The following TFDP1 variants were observed in gnomAD, a reference collection of about 807,000 sequenced individuals.
TFDP1 encodes transcription factor Dp-1.
Under a neutral mutation model 48.0 loss-of-function variants are expected in TFDP1, and 6 were observed. That is an observed-to-expected ratio of 0.13 (90% CI 0.07 to 0.25). The LOEUF (loss-of-function observed/expected upper bound fraction) is 0.25, where lower values mean the gene tolerates loss of function less well. TFDP1 is among the 10% of genes least tolerant of loss of function. TFDP1 has a pLI of 1.00. For missense variants in TFDP1, 335 were observed against 543.0 expected (o/e 0.62, Z 3.81); for synonymous variants, 201 against 211.6 (o/e 0.95, Z 0.44).
At position 113,627,987 on chromosome 13, in the gene TFDP1, G is replaced by A. The variant is rs773241599; in HGVS notation, c.187-3636G>A. Among the ~76,000 whole-genome samples the A allele has an allele frequency of 6.6e-6, 1 of 152,066 alleles. No individual in the cohort carries two copies. The highest frequency in any genetic ancestry group is 2.1e-4 in the South Asian group (1 of 4,828). On this transcript the variant is annotated intron_variant, in intron 4 of 11. Coordinates refer to ENST00000375370, the MANE Select transcript of TFDP1 (RefSeq NM_007111.5). The surrounding 1 kb of genome is among the most constrained non-coding windows in gnomAD (Gnocchi z 4.1). Reference sequence around the variant, plus strand: ...TCTCGGGCAAGGTGGACCTCCGGCAGGTCCTCTACTGTGGGATGCTTCCAC... The same window carrying A: ...TCTCGGGCAAGGTGGACCTCCGGCAAGTCCTCTACTGTGGGATGCTTCCAC...
intron 4 of TFDP1, among the ~76,000 whole-genome samples, chr13:113,628,723 G>A (rs951199727): frequency 6.6e-6 from 1 of 152,086 alleles, no homozygotes; most frequent in African/African-American, 2.4e-5. Flanking sequence ...TTTCCCTAGG[G>A]GCCCAGCTCT....
intron 11 of TFDP1, among the ~76,000 whole-genome samples, chr13:113,638,843 A>G (rs1042570822): frequency 6.6e-6 from 1 of 152,236 alleles, no homozygotes; most frequent in African/African-American, 2.4e-5. Context: ...GTATTACTTT[A>G]TATTAATCTT....
chr13:113,591,009 C>CAAAAAAAAA (rs71101595), intron 2 of TFDP1, among the ~76,000 whole-genome samples: 19 of 59,698 alleles, frequency 3.2e-4, no homozygotes, highest in Admixed American at 4.3e-4. Context: ...GACTCTGTCT[C>CAAAAAAAAA]AAAAAAAAAA....
At chr13:113,614,014 T>A (rs1473320394) in intron 3 of TFDP1, among the ~76,000 whole-genome samples, 1 of 147,598 alleles carries the variant, frequency 6.8e-6, no homozygotes, top group Admixed American at 6.8e-5. Context: ...GTGAGTTGTG[T>A]CAGTTGTGTG....
chr13:113,619,208 A>C (rs11840044), intron 3 of TFDP1, among the ~76,000 whole-genome samples: 10,169 of 152,218 alleles, frequency 0.067, 953 homozygotes, highest in African/African-American at 0.21. Context: ...CGTAGTGGCT[A>C]ACACCTGTAA....
At chr13:113,632,731 T>C (rs2049370248) in intron 5 of TFDP1, among the ~76,000 whole-genome samples, 1 of 152,156 alleles carries the variant, frequency 6.6e-6, no homozygotes, top group Non-Finnish European at 1.5e-5. Context: ...TGAGCCGAGA[T>C]GGCGCCACCG....
chr13:113,618,937 T>A (rs7323196), intron 3 of TFDP1, among the ~76,000 whole-genome samples: 10,167 of 152,228 alleles, frequency 0.067, 954 homozygotes, highest in African/African-American at 0.21. Flanking sequence ...TTTATAGCCT[T>A]AGGTTCAGCA....
In TFDP1 at chr13:113,613,679, ATGAG is replaced by A. The variant is rs1452832148; in HGVS notation, c.79+2620_79+2623del. Among the ~76,000 whole-genome samples the A allele has an allele frequency of 1.5e-5, 2 of 137,242 alleles. 1 individual carries two copies. Among genetic ancestry groups the A allele is most frequent in the African/African-American group, 5.8e-5 (2 of 34,364 alleles). The allele number at this position is 137,242 out of a possible 152,430, so 90.0% of individuals were successfully genotyped here. On this transcript the variant is annotated intron_variant, in intron 3 of 11. Transcript: ENST00000375370. Reference sequence around the variant, plus strand: ...TGCGTGGGTATGAGTGTGTGTGTGCATGAGTGTGTGTGTGTATGCGTGAATGCGT... The same window carrying A: ...TGCGTGGGTATGAGTGTGTGTGTGCATGTGTGTGTGTATGCGTGAATGCGT...
At chr13:113,588,915 TAGAG>T (rs1333343225) in intron 2 of TFDP1, among the ~76,000 whole-genome samples, 4 of 149,976 alleles carry the variant, frequency 2.7e-5, no homozygotes, top group Non-Finnish European at 5.9e-5. Flanking sequence ...GTGGAGTTGG[TAGAG>T]TGAGTGTGGT....
At chr13:113,632,016 G>T in intron 5 of TFDP1, 1 of 434,890 alleles carries the variant, frequency 2.3e-6, no homozygotes, top group Non-Finnish European at 4.1e-6. Flanking sequence ...GCAGCTCTTG[G>T]CCAAGACGGG....
At chr13:113,639,983 C>A in intron 11 of TFDP1, 137 bp from the exon 12 acceptor site, 1 of 642,646 alleles carries the variant, frequency 1.6e-6, no homozygotes, top group Non-Finnish European at 2.7e-6. Context: ...AGACACTCAG[C>A]CTCCCCGTTC....
At chr13:113,588,471 A>G (rs1053720506) in intron 2 of TFDP1, among the ~76,000 whole-genome samples, 5 of 152,230 alleles carry the variant, frequency 3.3e-5, no homozygotes, top group African/African-American at 1.2e-4. Flanking sequence ...CGGGTGGGAA[A>G]AGGCCACAAA....
chr13:113,616,022 A>T (rs1262527561), intron 3 of TFDP1, among the ~76,000 whole-genome samples: 1 of 151,958 alleles, frequency 6.6e-6, no homozygotes, highest in Admixed American at 6.5e-5. Context: ...AGCCAACATG[A>T]TGAAACCACC....
chr13:113,628,287 C>T (rs556255769), intron 4 of TFDP1, among the ~76,000 whole-genome samples: 1 of 152,246 alleles, frequency 6.6e-6, no homozygotes, highest in Admixed American at 6.5e-5. Flanking sequence ...TGTCTGGAGC[C>T]GTGTAAAGAC....
intron 2 of TFDP1, among the ~76,000 whole-genome samples, chr13:113,592,829 T>G (rs1185494644): frequency 6.7e-6 from 1 of 148,622 alleles, no homozygotes; most frequent in Non-Finnish European, 1.5e-5. Context: ...AGGTGACAGG[T>G]GTGGTGTGTG....
intron 4 of TFDP1, 50 bp from the exon 5 acceptor site, chr13:113,631,573 T>C: frequency 6.3e-7 from 1 of 1,580,622 alleles, no homozygotes; most frequent in Non-Finnish European, 8.6e-7. Flanking sequence ...CATGGCACCC[T>C]CGCCGTGTGG....
chr13:113,585,352 C>T (rs1422480964), intron 1 of TFDP1: 1 of 151,984 alleles, frequency 6.6e-6, no homozygotes, highest in African/African-American at 2.4e-5. Context: ...ACCGGTCAGC[C>T]GGGCGGGCGC....
chr13:113,586,837 G>A (rs1469856931), intron 2 of TFDP1, among the ~76,000 whole-genome samples: 3 of 152,198 alleles, frequency 2.0e-5, no homozygotes, highest in Non-Finnish European at 2.9e-5. Context: ...CACCCAGGTG[G>A]ACCCAGTGTG....
At chr13:113,593,423 G>A (rs1193055493) in intron 2 of TFDP1, among the ~76,000 whole-genome samples, 1 of 144,920 alleles carries the variant, frequency 6.9e-6, no homozygotes, top group Non-Finnish European at 1.5e-5. Flanking sequence ...CAGGTGACAG[G>A]TGTGCTGTGT....
Sources: allele counts gnomAD v4.1 joint callset (sites outside exome capture counted in the v4.1 genomes callset), GRCh38; gene constraint gnomAD v4.1.1; non-coding constraint Gnocchi (gnomAD v3.1); transcripts MANE v1.5; gene names NCBI Gene and HGNC (gene_info 2026-07-23, HGNC 2026-07-21).